The following SEMA3A variants were observed in gnomAD, a reference collection of about 807,000 sequenced individuals.
The protein encoded by SEMA3A is semaphorin 3A.
A neutral mutation model predicts 97.9 loss-of-function variants in SEMA3A; 29 were observed. The observed-to-expected ratio is 0.30, with a 90% CI of 0.22 to 0.40. The LOEUF (loss-of-function observed/expected upper bound fraction) is 0.40. SEMA3A is among the 10% of genes least tolerant of loss of function. The pLI is 1.00. For missense variants in SEMA3A, 763 were observed against 951.3 expected, an observed-to-expected ratio of 0.80 and a Z score of 2.60; for synonymous variants, 321 against 323.7, an observed-to-expected ratio of 0.99 and a Z score of 0.09.
intron 3 of SEMA3A, among the ~76,000 whole-genome samples, chr7:84,277,796 G>A (rs1286466032): frequency 6.6e-6 from 1 of 152,088 alleles, no homozygotes; most frequent in Non-Finnish European, 1.5e-5. Context: ...CAAGACCTCT[G>A]ATGAGACTGG....
upstream of SEMA3A, chr7:84,195,418 TGTGC>T (rs900172416): frequency 2.2e-5 from 3 of 137,022 alleles, no homozygotes; most frequent in African/African-American, 8.7e-5. Flanking sequence ...GCATTGTATG[TGTGC>T]GTGTGTGTGT....
intron 1 of SEMA3A, among the ~76,000 whole-genome samples, chr7:84,149,465 G>C (rs913608270): frequency 6.6e-6 from 1 of 152,104 alleles, no homozygotes; most frequent in African/African-American, 2.4e-5. Flanking sequence ...GAAAATCCCT[G>C]CTCTCCCAGG....
At chr7:84,079,209 G>A (rs1487732469) in intron 4 of SEMA3A, among the ~76,000 whole-genome samples, 1 of 151,978 alleles carries the variant, frequency 6.6e-6, no homozygotes, top group East Asian at 1.9e-4. Context: ...ATTCAAGATG[G>A]ATTAAAGACT....
chr7:84,225,366 A>G (rs920553266), intron 3 of SEMA3A, among the ~76,000 whole-genome samples: 1 of 152,116 alleles, frequency 6.6e-6, no homozygotes, highest in African/African-American at 2.4e-5. Context: ...AAGATGACAC[A>G]TCCAAAGTTG....
At chr7:84,384,537 G>T (rs1056386117) in intron 1 of SEMA3A, among the ~76,000 whole-genome samples, 1 of 152,040 alleles carries the variant, frequency 6.6e-6, no homozygotes, top group Non-Finnish European at 1.5e-5. Flanking sequence ...ATACAACAAA[G>T]GTTTATTTCT....
At chr7:84,299,038 C>T (rs185978202) in intron 3 of SEMA3A, among the ~76,000 whole-genome samples, 1 of 151,996 alleles carries the variant, frequency 6.6e-6, no homozygotes, top group Non-Finnish European at 1.5e-5. Flanking sequence ...TTGCCAGGGG[C>T]TCTTGGGCCT....
chr7:84,129,182 C>A lies in SEMA3A; in HGVS notation c.274G>T (p.Val92Leu), dbSNP rs780544925. The A allele has an allele frequency of 1.9e-6, 3 of 1,611,898 alleles. No individual in the cohort carries two copies. The highest frequency in any genetic ancestry group is 2.5e-6 in the Non-Finnish European group (3 of 1,178,096). ...LVNIKDFQKI[V>L]WPVSYTRRDE... ...CTTCTGGTGTAAGATACTGGCCACA[C>A]AATCTAAGGACAGAGAATAAACATT... is the stretch of plus-strand genomic sequence containing the variant. The change falls in exon 3 of 17, where the codon GTG becomes TTG. Residue 92 changes from valine (V) to leucine (L), a missense_variant. Physicochemically the swap from Val to Leu is conservative, Grantham distance 32. Transcript: ENST00000265362.
At position 84,284,431 on chromosome 7, in the gene SEMA3A, T is replaced by C. The variant is rs534043694; in HGVS notation, c.-83+22776A>G. Among the ~76,000 whole-genome samples, 415 of 152,184 alleles carry C rather than the reference T, an allele frequency of 2.7e-3. 3 individuals are homozygous for C. Among genetic ancestry groups the C allele is most frequent in the Middle Eastern group, 6.8e-3 (2 of 294 alleles). On this transcript the variant is annotated intron_variant, in intron 3 of 3. Coordinates refer to the SEMA3A transcript ENST00000424555. ...TTGAAATACTGAAACAAAGACAAAA[T>C]AGGAAACACAGCCCTAAATCTGTCC...
chr7:84,311,378 T>G (rs1801312238), intron 2 of SEMA3A, among the ~76,000 whole-genome samples: 1 of 151,984 alleles, frequency 6.6e-6, no homozygotes, highest in Non-Finnish European at 1.5e-5. Flanking sequence ...AGGAATGTGC[T>G]CCCATCTCCT....
chr7:84,453,174 T>C (rs1390300072), intron 1 of SEMA3A, among the ~76,000 whole-genome samples: 1 of 151,762 alleles, frequency 6.6e-6, no homozygotes, highest in Non-Finnish European at 1.5e-5. Context: ...AATTCAACAG[T>C]GACAAACGTG....
intron 1 of SEMA3A, among the ~76,000 whole-genome samples, chr7:84,447,037 A>G (rs144195394): frequency 9.2e-5 from 14 of 152,296 alleles, no homozygotes; most frequent in African/African-American, 2.6e-4. Context: ...TGCTCCCACT[A>G]CATGGCCTCG....
chr7:84,478,610 A>G (rs1465515317), intron 1 of SEMA3A, among the ~76,000 whole-genome samples: 4 of 152,028 alleles, frequency 2.6e-5, no homozygotes, highest in Admixed American at 6.6e-5. Flanking sequence ...TAGATTTTAT[A>G]GACTACAAAG....
chr7:84,359,887 A>T (rs942663676), intron 2 of SEMA3A, among the ~76,000 whole-genome samples: 2 of 151,660 alleles, frequency 1.3e-5, no homozygotes, highest in African/African-American at 4.9e-5. Context: ...GTGTCGAGGA[A>T]TTTATCCATT....
intron 1 of SEMA3A, among the ~76,000 whole-genome samples, chr7:84,430,817 G>A (rs1012453742): frequency 7.2e-6 from 1 of 138,264 alleles, no homozygotes; most frequent in African/African-American, 2.8e-5. Flanking sequence ...GTGTGTGTGT[G>A]TGTGTATTTA....
chr7:84,171,361 C>G lies in SEMA3A; in HGVS notation c.112+23114G>C, dbSNP rs373644081. Among the ~76,000 whole-genome samples, 4 of 152,064 alleles carry G rather than the reference C, an allele frequency of 2.6e-5. No homozygotes were observed. In the East Asian group the frequency reaches 7.7e-4, roughly 29 times the overall value. On this transcript the variant is annotated intron_variant, in intron 1 of 16. Coordinates refer to ENST00000265362, the MANE Select transcript of SEMA3A (RefSeq NM_006080.3). ...GTTGGAGAGTGGAGAAAGATTTGCA[C>G]TTCTTCACTGGCAATTTCAGTGTTC...
intron 5 of SEMA3A, among the ~76,000 whole-genome samples, chr7:84,050,299 G>A (rs1440328391): frequency 6.6e-6 from 1 of 152,136 alleles, no homozygotes; most frequent in Admixed American, 6.5e-5. Context: ...CTTCCACAAT[G>A]GTTGAACTAG....
chr7:84,444,611 G>C (rs571288322), intron 1 of SEMA3A, among the ~76,000 whole-genome samples: 3 of 149,760 alleles, frequency 2.0e-5, no homozygotes, highest in African/African-American at 7.4e-5. Flanking sequence ...TCCCAGTCTG[G>C]AGTACAGTGA....
intron 1 of SEMA3A, among the ~76,000 whole-genome samples, chr7:84,167,964 G>A (rs1017707799): frequency 2.0e-5 from 3 of 152,110 alleles, no homozygotes; most frequent in Admixed American, 6.5e-5. Flanking sequence ...TAAGTTATTA[G>A]AAGAAATTAC....
chr7:84,005,047 T>C (rs187770270), intron 11 of SEMA3A, among the ~76,000 whole-genome samples: 1 of 152,264 alleles, frequency 6.6e-6, no homozygotes, highest in East Asian at 1.9e-4. Flanking sequence ...CTCTTCCCTA[T>C]AATTTTCAGA....
Sources: allele counts gnomAD v4.1 joint callset (sites outside exome capture counted in the v4.1 genomes callset), GRCh38; gene constraint gnomAD v4.1.1; transcripts MANE v1.5; gene names NCBI Gene and HGNC (gene_info 2026-07-23, HGNC 2026-07-21).